ZNF483: variants seen among roughly 807,000 people sequenced by gnomAD.
ZNF483 encodes zinc finger protein 483.
A neutral mutation model predicts 28.6 loss-of-function variants in ZNF483; 9 were observed. The observed-to-expected ratio is 0.32, with a 90% CI of 0.19 to 0.55. The LOEUF (loss-of-function observed/expected upper bound fraction) is 0.55, where lower values mean the gene tolerates loss of function less well. Among genes scored for constraint, ZNF483 ranks in the 20% least tolerant of loss-of-function variants. ZNF483 has a pLI of 0.93. For synonymous variants in ZNF483, 322 were observed against 306.2 expected, an observed-to-expected ratio of 1.05 and a Z score of -0.54; for missense variants, 675 against 871.7, an observed-to-expected ratio of 0.77 and a Z score of 2.84.
intron 1 of ZNF483, among the ~76,000 whole-genome samples, chr9:111,526,928 C>T (rs1827196730): frequency 6.6e-6 from 1 of 151,990 alleles, no homozygotes. Flanking sequence ...GGCGAAACCC[C>T]GTCTCTACTA....
intron 5 of ZNF483, among the ~76,000 whole-genome samples, chr9:111,562,162 C>T (rs140926634): frequency 1.6e-4 from 24 of 152,216 alleles, no homozygotes; most frequent in East Asian, 9.6e-4. Flanking sequence ...CGTGAGCCAC[C>T]GCGCCCGGCC....
At chr9:111,576,245 C>A in intron 5 of ZNF483, 2 of 926,914 alleles carry the variant, frequency 2.2e-6, no homozygotes, top group Non-Finnish European at 3.3e-6. Context: ...TATTTGCAAG[C>A]CATATAGAGT....
rs971668634 is a variant in ZNF483, at chr9:111,541,827, A to C, written c.892A>C (p.Lys298Gln). The C allele has an allele frequency of 6.2e-7, 1 of 1,614,178 alleles. No individual in the cohort carries two copies. The highest frequency in any genetic ancestry group is 8.5e-7 in the Non-Finnish European group (1 of 1,180,030). ...AACTCTTGGGAGTGGCAGTAGGGGTAAGAAATTTGACCCAGATAAAAGCCC... is the reference window on the plus strand; with the variant it reads ...AACTCTTGGGAGTGGCAGTAGGGGTCAGAAATTTGACCCAGATAAAAGCCC... ...NKTLGSGSRG[K>Q]KFDPDKSPFG... The change falls in exon 6 of 6, where the codon AAG becomes CAG. Residue 298 changes from lysine to glutamine, a missense_variant. Lys to Gln is a moderately conservative substitution (Grantham distance 53). Coordinates refer to ENST00000309235, the MANE Select transcript of ZNF483 (RefSeq NM_133464.5).
chr9:111,558,482 A>G (rs1256644044), downstream of ZNF483, among the ~76,000 whole-genome samples: 1 of 152,192 alleles, frequency 6.6e-6, no homozygotes, highest in Admixed American at 6.5e-5. Flanking sequence ...GTTTGAAGTC[A>G]GCCTGGACAA....
At chr9:111,536,714 G>A (rs975581950) in intron 5 of ZNF483, among the ~76,000 whole-genome samples, 5 of 128,826 alleles carry the variant, frequency 3.9e-5, no homozygotes, top group South Asian at 2.5e-4. Flanking sequence ...CACCCCCCCC[G>A]CCCCCGTACA....
intron 5 of ZNF483, among the ~76,000 whole-genome samples, chr9:111,572,995 A>G (rs764911019): frequency 1.3e-5 from 2 of 152,164 alleles, no homozygotes; most frequent in Non-Finnish European, 2.9e-5. Context: ...CCTCTGAGCT[A>G]TCCTAACAGT....
chr9:111,546,494 A>T lies in ZNF483; in HGVS notation c.*3324A>T, dbSNP rs1235498354. 6.6e-6 allele frequency among the ~76,000 whole-genome samples: 1 copy of T among 152,162 alleles called. No individual in the cohort carries two copies. The highest frequency in any genetic ancestry group is 1.5e-5 in the Non-Finnish European group (1 of 67,986). ...ATCAAAAGGCTTTAAACGTCTTTTG[A>T]TTCATTATAGGATTGCTTTTATGAA... On this transcript the variant is annotated 3_prime_UTR_variant, in exon 6 of 6. Coordinates refer to ENST00000309235, the MANE Select transcript of ZNF483 (RefSeq NM_133464.5).
At chr9:111,526,761 C>T (rs1394291123) in intron 1 of ZNF483, among the ~76,000 whole-genome samples, 1 of 152,106 alleles carries the variant, frequency 6.6e-6, no homozygotes, top group Non-Finnish European at 1.5e-5. Context: ...CAATCTAAAG[C>T]AACTGTTTCC....
At chr9:111,525,732 C>G (rs1020944203) in intron 1 of ZNF483, among the ~76,000 whole-genome samples, 1 of 152,104 alleles carries the variant, frequency 6.6e-6, no homozygotes, top group African/African-American at 2.4e-5. Context: ...ATGTAAACTC[C>G]CTGTAGACGG....
intron 2 of ZNF483, 109 bp from the exon 3 acceptor site, chr9:111,530,766 T>TATATAC (rs1827309587): frequency 3.6e-5 from 1 of 28,004 alleles, no homozygotes; most frequent in Admixed American, 3.4e-4. Context: ...AATATATATA[T>TATATAC]ATATATATAT....
downstream of ZNF483, among the ~76,000 whole-genome samples, chr9:111,555,660 A>C (rs1028486298): frequency 6.6e-6 from 1 of 152,130 alleles, no homozygotes; most frequent in African/African-American, 2.4e-5. Context: ...TTCACATGGC[A>C]GCAGGGGAGA....
At chr9:111,575,702 T>C (rs559500606) in intron 5 of ZNF483, among the ~76,000 whole-genome samples, 40 of 152,278 alleles carry the variant, frequency 2.6e-4, no homozygotes, top group African/African-American at 9.1e-4. Flanking sequence ...ACATGGAAAA[T>C]AATGCAATTG....
chr9:111,563,412 T>C, intron 5 of ZNF483: 1 of 521,942 alleles, frequency 1.9e-6, no homozygotes, highest in Non-Finnish European at 3.3e-6. Flanking sequence ...ACAGTACATG[T>C]AAAAAAGATT....
rs527824241 is a variant in ZNF483, at chr9:111,530,377, C to T, written c.413-498C>T. 4.6e-5 allele frequency among the ~76,000 whole-genome samples: 7 copies of T among 152,194 alleles called. No individual in the cohort carries two copies. In the East Asian group the frequency reaches 1.4e-3, roughly 29 times the overall value. On this transcript the variant is annotated intron_variant, in intron 2 of 5. Transcript: ENST00000309235. ...TCTGTATCCTTTGTAATACCCTTTA[C>T]ATTAAACCAGTAAACGTAAGTAAAG...
In ZNF483 at chr9:111,543,157, ACT is replaced by A. The variant is rs1160386619; in HGVS notation, c.2225_2226del (p.Ser742CysfsTer9). 6.2e-7 allele frequency: 1 copy of A among 1,605,780 alleles called. No individual in the cohort carries two copies. The highest frequency in any genetic ancestry group is 8.5e-7 in the Non-Finnish European group (1 of 1,176,008). On this transcript the variant is annotated frameshift_variant, in exon 6 of 6. Transcript: ENST00000309235. LOFTEE classifies it high-confidence loss of function. ...GGCCTCATTAGACATCGGGGATTTC[ACT>A]CTGCAGAGTAATCCTGGAACTACAT...
intron 5 of ZNF483, chr9:111,569,805 T>C (rs763570876): frequency 4.3e-5 from 17 of 393,552 alleles, no homozygotes; most frequent in Admixed American, 1.1e-4. Context: ...AAGAGAGGAA[T>C]GGCAGACAGT....
Position 111,544,320 on chromosome 9 carries a change from TTA to T in ZNF483, c.*1153_*1154del. ...TCTGTGTGGCAACAGTTAAAAGCTGTTATAACAATTTGCTTGGGTGTGTGTGC... is the reference window on the plus strand; with the variant it reads ...TCTGTGTGGCAACAGTTAAAAGCTGTTAACAATTTGCTTGGGTGTGTGTGC... On this transcript the variant is annotated 3_prime_UTR_variant, in exon 6 of 6. Transcript: ENST00000309235. The T allele has an allele frequency of 6.1e-6, 6 of 984,632 alleles. No individual in the cohort carries two copies. Among genetic ancestry groups the T allele is most frequent in the Non-Finnish European group, 7.2e-6 (6 of 829,902 alleles). The allele number at this position is 984,632 out of a possible 1,614,324, so 61.0% of individuals were successfully genotyped here. A position where few individuals can be genotyped will look rare whatever the true frequency, so the allele number is the denominator to read the frequency against.
At chr9:111,538,660 T>C (rs535401265) in intron 5 of ZNF483, among the ~76,000 whole-genome samples, 3 of 152,324 alleles carry the variant, frequency 2.0e-5, no homozygotes, top group East Asian at 1.9e-4. Context: ...TGTGTAGTTC[T>C]AGCAGCACTG....
rs1827850124 is a variant in ZNF483 at position 111,548,284 on chromosome 9, G to A, written c.*5114G>A. On this transcript the variant is annotated 3_prime_UTR_variant, in exon 6 of 6. Transcript: ENST00000309235. ...CAAACATTACAGTCTGTGAACCCCA[G>A]GTGTCTTTCCATGTATTTGTGCCGT... 1.3e-5 allele frequency among the ~76,000 whole-genome samples: 2 copies of A among 152,122 alleles called. No individual in the cohort carries two copies. The highest frequency in any genetic ancestry group is 4.8e-5 in the African/African-American group (2 of 41,428).
Sources: allele counts gnomAD v4.1 joint callset (sites outside exome capture counted in the v4.1 genomes callset), GRCh38; gene constraint gnomAD v4.1.1; transcripts MANE v1.5; gene names NCBI Gene and HGNC (gene_info 2026-07-23, HGNC 2026-07-21).